KCNG3: variants seen among roughly 807,000 people sequenced by gnomAD.
The protein encoded by KCNG3 is voltage-gated potassium channel regulatory subunit KCNG3.
A neutral mutation model predicts 29.0 loss-of-function variants in KCNG3; 15 were observed. The ratio of observed to expected loss-of-function variants is 0.52; its 90% confidence interval spans 0.35 to 0.80. KCNG3 has a LOEUF of 0.80. Ranked by LOEUF, KCNG3 falls within the 30% of genes least tolerant of loss-of-function variation. The probability of loss-of-function intolerance (pLI) is 0.01; values close to 1 mark genes in which losing one functional copy is unlikely to be tolerated. For synonymous variants in KCNG3, 322 were observed against 248.9 expected, an observed-to-expected ratio of 1.29 and a Z score of -2.76; for missense variants, 512 against 605.7, an observed-to-expected ratio of 0.85 and a Z score of 1.62.
the KCNG3 span, among the ~76,000 whole-genome samples, chr2:42,435,796 G>A: frequency 6.6e-6 from 1 of 152,178 alleles, no homozygotes; most frequent in African/African-American, 2.4e-5. Flanking sequence ...TTGCTGGTGG[G>A]AATCAAATTG....
At chr2:42,438,138 G>C (rs1424048449), downstream of KCNG3, among the ~76,000 whole-genome samples, 1 of 152,044 alleles carries the variant, frequency 6.6e-6, no homozygotes, top group Non-Finnish European at 1.5e-5. Flanking sequence ...ATATGCAGTT[G>C]AAAAATAATA....
rs1305338879 is a variant in KCNG3, at chr2:42,444,558, T to C, written c.687A>G (p.Ile229Met). 1 of 1,608,168 alleles carries C rather than the reference T, an allele frequency of 6.2e-7. No homozygotes were observed. Among genetic ancestry groups the C allele is most frequent in the South Asian group, 1.1e-5 (1 of 90,160 alleles). The change falls in exon 2 of 2, where the codon ATA becomes ATG. Residue 229 changes from isoleucine to methionine, a missense_variant. Coordinates refer to ENST00000306078, the MANE Select transcript of KCNG3 (RefSeq NM_133329.6). The surrounding 1 kb of genome is among the most constrained non-coding windows in gnomAD (Gnocchi z 5.8). ...CGATGCACTCGGCAGTGAACCAACC[T>C]ATGCAGATAGCTTCAATTATCCTGT... Reference protein sequence around the residue: ...EPSGIIEAICIGWFTAECIVR... With the variant: ...EPSGIIEAICMGWFTAECIVR...
Position 42,493,343 on chromosome 2 carries a change from G to C in KCNG3, c.159C>G (p.Asp53Glu). ...AGTACTCGTTGCGCTCGCGGTCGTA[G>C]TCGTCGCACACCTCGAGCACGTCGC... Reference protein sequence around the residue: ...SERDVLEVCDDYDRERNEYFF... With the variant: ...SERDVLEVCDEYDRERNEYFF... Residue 53 changes from aspartate (D) to glutamate (E), a missense_variant, in exon 1 of 2, where the codon GAC becomes GAG. Asp to Glu is a conservative substitution (Grantham distance 45). This residue lies in a region of KCNG3 where 91 missense variants were observed against 91.1 expected (regional missense o/e 1.00). Transcript: ENST00000306078. The C allele has an allele frequency of 1.3e-6, 2 of 1,599,192 alleles. No individual in the cohort carries two copies. Among genetic ancestry groups the C allele is most frequent in the Non-Finnish European group, 1.7e-6 (2 of 1,173,072 alleles).
At chr2:42,429,214 C>G in the KCNG3 span, among the ~76,000 whole-genome samples, 1 of 151,604 alleles carries the variant, frequency 6.6e-6, no homozygotes, top group Non-Finnish European at 1.5e-5. Context: ...GCAAAAATGT[C>G]CTAACAGTTG....
the KCNG3 span, among the ~76,000 whole-genome samples, chr2:42,399,032 T>C: frequency 6.6e-6 from 1 of 150,496 alleles, no homozygotes; most frequent in Non-Finnish European, 1.5e-5. Context: ...GTTGTTCTTT[T>C]TTTCTTTTCT....
chr2:42,417,059 G>C, the KCNG3 span, among the ~76,000 whole-genome samples: 1 of 151,872 alleles, frequency 6.6e-6, no homozygotes, highest in East Asian at 1.9e-4. Context: ...GACCAGCCTG[G>C]CCAACATGGT....
intron 1 of KCNG3, among the ~76,000 whole-genome samples, chr2:42,485,266 G>A (rs1225583067): frequency 6.6e-6 from 1 of 152,066 alleles, no homozygotes; most frequent in Non-Finnish European, 1.5e-5. Context: ...CTAAAGAGCA[G>A]ATCAAAATTA....
At chr2:42,452,287 C>T (rs1189432763) in intron 1 of KCNG3, among the ~76,000 whole-genome samples, 1 of 141,018 alleles carries the variant, frequency 7.1e-6, no homozygotes, top group Non-Finnish European at 1.5e-5. Flanking sequence ...GCTCTGTCAC[C>T]CAGGCTAGAG....
At chr2:42,477,762 C>T (rs940759438) in intron 1 of KCNG3, among the ~76,000 whole-genome samples, 3 of 151,670 alleles carry the variant, frequency 2.0e-5, no homozygotes, top group Non-Finnish European at 2.9e-5. Context: ...GTCTGTAATC[C>T]CAGCTACTAG....
intron 1 of KCNG3, among the ~76,000 whole-genome samples, chr2:42,445,995 G>A (rs990103501): frequency 3.3e-5 from 5 of 151,892 alleles, no homozygotes; most frequent in East Asian, 3.9e-4. Context: ...CCGAAGTGTC[G>A]GGATTACAGC....
At chr2:42,464,050 G>T (rs1292228940) in intron 1 of KCNG3, 1 of 220,602 alleles carries the variant, frequency 4.5e-6, no homozygotes, top group Non-Finnish European at 9.2e-6. Context: ...AGGCTCGGTG[G>T]TGGCTGCAGC....
chr2:42,487,324 G>A (rs1257889472), intron 1 of KCNG3, among the ~76,000 whole-genome samples: 1 of 146,984 alleles, frequency 6.8e-6, no homozygotes, highest in Non-Finnish European at 1.5e-5. Context: ...CATAAAAAGA[G>A]CTAATTTCTT....
At chr2:42,436,332 T>A in the KCNG3 span, among the ~76,000 whole-genome samples, 3 of 152,220 alleles carry the variant, frequency 2.0e-5, no homozygotes, top group African/African-American at 7.2e-5. Flanking sequence ...ATAAATATAT[T>A]AAAAACCACA....
chr2:42,464,803 CA>C (rs1297564919), intron 1 of KCNG3, among the ~76,000 whole-genome samples: 1 of 152,178 alleles, frequency 6.6e-6, no homozygotes, highest in African/African-American at 2.4e-5. Flanking sequence ...GTTCCTACAG[CA>C]GTCAGTGCTT....
chr2:42,476,442 A>C (rs922270859), intron 1 of KCNG3, among the ~76,000 whole-genome samples: 54 of 152,052 alleles, frequency 3.6e-4, no homozygotes, highest in African/African-American at 1.2e-3. Context: ...ATGCCACTGT[A>C]ATCCAGCCTG....
At chr2:42,424,380 C>T in the KCNG3 span, among the ~76,000 whole-genome samples, 7 of 150,014 alleles carry the variant, frequency 4.7e-5, no homozygotes, top group African/African-American at 1.7e-4. Context: ...CAGCTTAAGA[C>T]ATCAATGAAA....
the KCNG3 span, among the ~76,000 whole-genome samples, chr2:42,396,960 CA>C: frequency 6.6e-6 from 1 of 152,012 alleles, no homozygotes; most frequent in Admixed American, 6.6e-5. Context: ...AATGGGTGGC[CA>C]TAAAAAGCAA....
At chr2:42,491,475 C>T (rs561002013) in intron 1 of KCNG3, among the ~76,000 whole-genome samples, 3 of 151,866 alleles carry the variant, frequency 2.0e-5, no homozygotes, top group Non-Finnish European at 2.9e-5. Context: ...ATCAAAATTC[C>T]AAGTCCATTT....
intron 1 of KCNG3, among the ~76,000 whole-genome samples, chr2:42,477,467 G>A (rs186328937): frequency 3.2e-5 from 4 of 124,546 alleles, no homozygotes; most frequent in Non-Finnish European, 6.4e-5. Flanking sequence ...TTGCTCTGTC[G>A]CCCAGGCTGG....
Sources: allele counts gnomAD v4.1 joint callset (sites outside exome capture counted in the v4.1 genomes callset), GRCh38; gene constraint gnomAD v4.1.1; regional missense constraint gnomAD v4.1.1; non-coding constraint Gnocchi (gnomAD v3.1); transcripts MANE v1.5; gene names NCBI Gene and HGNC (gene_info 2026-07-23, HGNC 2026-07-21).